The following APPL2 variants were observed in gnomAD, a reference collection of about 807,000 sequenced individuals.
APPL2 encodes the protein adaptor protein, phosphotyrosine interacting with PH domain and leucine zipper 2, also known as DCC-interacting protein 13-beta.
In APPL2, 84 loss-of-function variants were observed where a neutral mutation model predicts 92.7. That is an observed-to-expected ratio of 0.91 (90% CI 0.76 to 1.09). The LOEUF is 1.09. Ranked by LOEUF, APPL2 falls within the 50% of genes least tolerant of loss-of-function variation. APPL2 has a pLI of 0.00. For missense variants in APPL2, 736 were observed against 824.5 expected, an observed-to-expected ratio of 0.89 and a Z score of 1.31; for synonymous variants, 291 against 291.0, an observed-to-expected ratio of 1.00 and a Z score of 0.00.
chr12:105,218,767 C>T (rs1466346334), intron 2 of APPL2, among the ~76,000 whole-genome samples: 1 of 152,170 alleles, frequency 6.6e-6, no homozygotes, highest in Non-Finnish European at 1.5e-5. Flanking sequence ...TTAGAACACT[C>T]GCTGGCAATG....
intron 2 of APPL2, 91 bp downstream of exon 2, chr12:105,229,034 C>G (rs149550735): frequency 9.0e-7 from 1 of 1,105,974 alleles, no homozygotes; most frequent in Admixed American, 2.7e-5. Context: ...TGATGTTTTT[C>G]GGATTCCAAT....
chr12:105,203,745 C>T lies in APPL2; in HGVS notation c.662G>A (p.Arg221His), dbSNP rs759583132. 4.3e-6 allele frequency: 7 copies of T among 1,614,188 alleles called. No homozygotes were observed. The highest frequency in any genetic ancestry group is 3.3e-5 in the Admixed American group (2 of 60,032). Residue 221 changes from arginine (R) to histidine (H), a missense_variant, in exon 9 of 21, where the codon CGT (arginine) becomes CAT (histidine). By Grantham distance (29) the Arg-to-His change is conservative. Coordinates refer to ENST00000258530, the MANE Select transcript of APPL2 (RefSeq NM_018171.5). ...AACGGAGGATAAAAAGCTGTCCATACGTTTGGAAAACATCTCTGCTCCCTT... is the reference window on the plus strand; with the variant it reads ...AACGGAGGATAAAAAGCTGTCCATATGTTTGGAAAACATCTCTGCTCCCTT... ...FKKGAEMFSK[R>H]MDSFLSSVAD...
intron 3 of APPL2, among the ~76,000 whole-genome samples, 200 bp from the exon 4 acceptor site, chr12:105,217,340 T>C (rs555641172): frequency 6.6e-6 from 1 of 152,338 alleles, no homozygotes; most frequent in Admixed American, 6.5e-5. Context: ...TGACCCTCCC[T>C]GGCCATTCCT....
rs1408895985 is a variant in APPL2 at position 105,177,715 on chromosome 12, C to A, written c.1635-453G>T. Among the ~76,000 whole-genome samples the A allele has an allele frequency of 2.0e-5, 3 of 152,102 alleles. No individual in the cohort carries two copies. In the South Asian group the frequency reaches 6.2e-4, roughly 32 times the overall value. ...TGACAAAATAGTGAAGGGATTTTGACAAAACTCTTATCAATTTGGGTAAAA... is the reference window on the plus strand; with the variant it reads ...TGACAAAATAGTGAAGGGATTTTGAAAAAACTCTTATCAATTTGGGTAAAA... On this transcript the variant is annotated intron_variant, in intron 17 of 20. Transcript: ENST00000258530.
intron 1 of APPL2, 81 bp downstream of exon 1, chr12:105,235,878 G>T: frequency 8.7e-7 from 1 of 1,149,956 alleles, no homozygotes; most frequent in Non-Finnish European, 1.1e-6. Context: ...CCGGCCGGGG[G>T]CGCGGCCTCC....
intron 10 of APPL2, among the ~76,000 whole-genome samples, chr12:105,198,219 TA>T (rs951320225): frequency 7.2e-5 from 11 of 152,238 alleles, no homozygotes; most frequent in African/African-American, 2.6e-4. Context: ...TGCTGACTAC[TA>T]AACCAGGAGA....
chr12:105,200,465 T>C (rs1415200169), intron 9 of APPL2, among the ~76,000 whole-genome samples: 1 of 152,244 alleles, frequency 6.6e-6, no homozygotes, highest in Admixed American at 6.5e-5. Flanking sequence ...CAGGGGTAAG[T>C]GGGCGGATGG....
intron 17 of APPL2, among the ~76,000 whole-genome samples, chr12:105,179,699 T>C (rs1003812432): frequency 1.4e-4 from 21 of 152,232 alleles, no homozygotes; most frequent in African/African-American, 4.1e-4. Flanking sequence ...TGGTATCTCA[T>C]TGTGGTTTTG....
At chr12:105,198,737 A>G (rs1350090080) in intron 10 of APPL2, among the ~76,000 whole-genome samples, 1 of 152,218 alleles carries the variant, frequency 6.6e-6, no homozygotes, top group Admixed American at 6.5e-5. Flanking sequence ...ACCACATTCA[A>G]TCTAACTTCG....
At chr12:105,202,473 T>C (rs901351708) in intron 9 of APPL2, among the ~76,000 whole-genome samples, 2 of 152,074 alleles carry the variant, frequency 1.3e-5, no homozygotes, top group African/African-American at 2.4e-5. Context: ...GTGAAAAAAA[T>C]TGAGGCATAG....
At chr12:105,178,019 G>A (rs369724642) in intron 17 of APPL2, among the ~76,000 whole-genome samples, 48 of 152,298 alleles carry the variant, frequency 3.2e-4, no homozygotes, top group Middle Eastern at 3.4e-3. Flanking sequence ...TCGAACTCCT[G>A]ACCTCAGGGG....
chr12:105,180,766 GTAT>G (rs910686861), intron 17 of APPL2, among the ~76,000 whole-genome samples: 1 of 151,746 alleles, frequency 6.6e-6, no homozygotes, highest in Non-Finnish European at 1.5e-5. Context: ...GGCTGTTTGT[GTAT>G]TATTGGTGTA....
In APPL2 at chr12:105,208,044, A is replaced by G. The variant is rs748715181; in HGVS notation, c.416-15T>C. On this transcript the variant is annotated splice_polypyrimidine_tract_variant and intron_variant, in intron 6 of 20. Transcript: ENST00000258530. ...GAGGTCATGCTCTAAAAATAAACAGACATCTGAACACCCAGGAGGGTCAGG... is the reference window on the plus strand; with the variant it reads ...GAGGTCATGCTCTAAAAATAAACAGGCATCTGAACACCCAGGAGGGTCAGG... The G allele has an allele frequency of 6.2e-7, 1 of 1,614,162 alleles. No individual in the cohort carries two copies. Among genetic ancestry groups the G allele is most frequent in the Non-Finnish European group, 8.5e-7 (1 of 1,179,994 alleles).
At chr12:105,223,311 G>A (rs1358441829) in intron 2 of APPL2, among the ~76,000 whole-genome samples, 1 of 152,194 alleles carries the variant, frequency 6.6e-6, no homozygotes, top group Non-Finnish European at 1.5e-5. Flanking sequence ...CTGGAAAGTG[G>A]CAAGGGCCAG....
At chr12:105,208,664 G>A (rs899021476) in intron 5 of APPL2, among the ~76,000 whole-genome samples, 4 of 152,126 alleles carry the variant, frequency 2.6e-5, no homozygotes, top group Admixed American at 2.6e-4. Context: ...AGGAATACGC[G>A]GTGCTTGTAC....
chr12:105,177,033 A>G lies in APPL2; in HGVS notation c.1672-17T>C, dbSNP rs1885615144. 6.2e-7 allele frequency: 1 copy of G among 1,613,706 alleles called. No homozygotes were observed. Among genetic ancestry groups the G allele is most frequent in the African/African-American group, 1.3e-5 (1 of 74,864 alleles). ...AAGTTCAAACTGGGGGGTGGAAAAA[A>G]AGGCAACAGATCATACAACTACTAG... On this transcript the variant is annotated splice_polypyrimidine_tract_variant and intron_variant, in intron 18 of 20. Transcript: ENST00000258530.
intron 17 of APPL2, among the ~76,000 whole-genome samples, chr12:105,181,085 A>G (rs570033631): frequency 1.2e-4 from 18 of 152,316 alleles, no homozygotes; most frequent in Non-Finnish European, 2.2e-4. Flanking sequence ...TCAGTATGAT[A>G]CTGGCTGTGA....
At chr12:105,202,096 T>C (rs112761814) in intron 9 of APPL2, among the ~76,000 whole-genome samples, 2 of 152,130 alleles carry the variant, frequency 1.3e-5, no homozygotes. Flanking sequence ...ACAGGAAAAA[T>C]AGCATTCAAA....
rs534622369 is a variant in APPL2, at chr12:105,192,094, CTTT to C, written c.1242-1942_1242-1940del. On this transcript the variant is annotated intron_variant, in intron 14 of 20. Transcript: ENST00000258530. The stretch of plus-strand genomic sequence containing the variant: ...TAACATGTCCAAAACATGAACTCTT[CTTT>C]TTTTTAAAAAACACCATCTGCCCAG... Among the ~76,000 whole-genome samples, 668 of 151,728 alleles carry C rather than the reference CTTT, an allele frequency of 4.4e-3. 9 individuals are homozygous for C. The highest frequency in any genetic ancestry group is 0.015 in the African/African-American group (628 of 41,302).
Sources: allele counts gnomAD v4.1 joint callset (sites outside exome capture counted in the v4.1 genomes callset), GRCh38; gene constraint gnomAD v4.1.1; transcripts MANE v1.5; gene names NCBI Gene and HGNC (gene_info 2026-07-23, HGNC 2026-07-21).